Variants in CFAP61 observed in about 807,000 individuals in gnomAD.
CFAP61 encodes the protein cilia- and flagella-associated protein 61.
Under a neutral mutation model 135.6 loss-of-function variants are expected in CFAP61, and 107 were observed. The ratio of observed to expected loss-of-function variants is 0.79; its 90% CI spans 0.67 to 0.93. The LOEUF (loss-of-function observed/expected upper bound fraction) is 0.93, where lower values mean the gene tolerates loss of function less well. Among genes scored for constraint, CFAP61 ranks in the 40% least tolerant of loss-of-function variants. CFAP61 has a pLI of 0.00. For synonymous variants in CFAP61, 575 were observed against 578.5 expected (o/e 0.99, Z 0.09); for missense variants, 1,507 against 1,556.2 (o/e 0.97, Z 0.53).
Position 20,298,295 on chromosome 20 carries a change from T to C in CFAP61, c.3331T>C (p.Ser1111Pro). Reference sequence around the variant, plus strand: ...CCTTTCTAGGGAGCCCTTCCCCGCCTCCAACTACATCCGCTTGTTTGGCCA... The same window carrying C: ...CCTTTCTAGGGAGCCCTTCCCCGCCCCCAACTACATCCGCTTGTTTGGCCA... ...TCLSREPFPA[S>P]NYIRLFGQHE... The change falls in exon 25 of 27, where the codon TCC becomes CCC. Residue 1111 changes from serine to proline, a missense_variant. Ser to Pro is a moderately conservative substitution (Grantham distance 74). Coordinates refer to ENST00000245957, the MANE Select transcript of CFAP61 (RefSeq NM_015585.4). 6.2e-7 allele frequency: 1 copy of C among 1,614,108 alleles called. No individual in the cohort carries two copies. The highest frequency in any genetic ancestry group is 1.1e-5 in the South Asian group (1 of 91,076).
At chr20:20,190,396 C>A (rs6112816) in intron 14 of CFAP61, among the ~76,000 whole-genome samples, 29,731 of 152,014 alleles carry the variant, frequency 0.2, 3,324 homozygotes, top group Middle Eastern at 0.27. Flanking sequence ...TTGTATGATA[C>A]TTTGAAGTGA....
chr20:20,312,774 C>A (rs1033936093), intron 25 of CFAP61, among the ~76,000 whole-genome samples: 1 of 152,086 alleles, frequency 6.6e-6, no homozygotes, highest in African/African-American at 2.4e-5. Flanking sequence ...GCAATGCAAG[C>A]CAGAAAACAG....
At position 20,360,325 on chromosome 20, in the gene CFAP61, A is replaced by G. The variant is rs1034620776; in HGVS notation, c.3629A>G (p.Lys1210Arg). 11 of 1,613,862 alleles carry G rather than the reference A, an allele frequency of 6.8e-6. No individual in the cohort carries two copies. Among genetic ancestry groups the G allele is most frequent in the East Asian group, 2.2e-5 (1 of 44,888 alleles). ...LKRVFEESIYKTLVERSTLDY... is the reference protein window; with the variant it reads ...LKRVFEESIYRTLVERSTLDY... Reference sequence around the variant, plus strand: ...AGAGTTTTTGAGGAATCCATCTACAAAACCCTGGTGGAGAGAAGCACTCTT... The same window carrying G: ...AGAGTTTTTGAGGAATCCATCTACAGAACCCTGGTGGAGAGAAGCACTCTT... The change falls in exon 27 of 27, where the codon AAA becomes AGA. Residue 1210 changes from lysine to arginine, a missense_variant. By Grantham distance (26) the Lys-to-Arg change is conservative. Transcript: ENST00000245957.
At chr20:20,322,856 A>G (rs1050934448) in intron 25 of CFAP61, 4 of 985,134 alleles carry the variant, frequency 4.1e-6, no homozygotes, top group Non-Finnish European at 4.8e-6. Flanking sequence ...CATTAATGAA[A>G]ATCAAATTTA....
intron 24 of CFAP61, among the ~76,000 whole-genome samples, chr20:20,296,191 A>C (rs1422690784): frequency 0.028 from 391 of 13,944 alleles, no homozygotes; most frequent in Middle Eastern, 0.036. Context: ...TCCTTCCTTC[A>C]CCTCCTTCCC....
intron 8 of CFAP61, among the ~76,000 whole-genome samples, 186 bp downstream of exon 8, chr20:20,099,000 C>T (rs2047805647): frequency 6.6e-6 from 1 of 152,136 alleles, no homozygotes; most frequent in Admixed American, 6.6e-5. Context: ...AGTCACAGTG[C>T]AGGGGTGGAG....
chr20:20,063,345 A>G (rs1011975488), intron 2 of CFAP61, among the ~76,000 whole-genome samples: 1 of 152,220 alleles, frequency 6.6e-6, no homozygotes, highest in Non-Finnish European at 1.5e-5. Flanking sequence ...TGCCTTGCTC[A>G]TGAACATGGA....
chr20:20,183,276 C>T (rs1344526726), intron 13 of CFAP61, among the ~76,000 whole-genome samples: 1 of 152,136 alleles, frequency 6.6e-6, no homozygotes, highest in African/African-American at 2.4e-5. Flanking sequence ...ATTCTAGTGC[C>T]TTGGCCAACC....
At chr20:20,161,823 A>G (rs1396586969) in intron 10 of CFAP61, among the ~76,000 whole-genome samples, 1 of 152,220 alleles carries the variant, frequency 6.6e-6, no homozygotes, top group East Asian at 1.9e-4. Flanking sequence ...CAGACAAGTA[A>G]GTGGAATTCT....
intron 8 of CFAP61, among the ~76,000 whole-genome samples, chr20:20,140,639 T>G (rs2051312716): frequency 6.6e-6 from 1 of 152,078 alleles, no homozygotes; most frequent in Admixed American, 6.6e-5. Flanking sequence ...GTTCAACCAT[T>G]GTGGAAGTCA....
chr20:20,355,087 A>AAGGTGGTCACACTGTGAGAGGGG (rs1602164226), intron 26 of CFAP61, among the ~76,000 whole-genome samples: 30 of 77,480 alleles, frequency 3.9e-4, no homozygotes, highest in Admixed American at 1.4e-3. Context: ...TGTGAGAGGG[A>AAGGTGGTCACACTGTGAGAGGGG]AGGTGGTCAC....
chr20:20,240,617 A>G (rs1285456780), intron 18 of CFAP61, among the ~76,000 whole-genome samples: 1 of 151,264 alleles, frequency 6.6e-6, no homozygotes, highest in African/African-American at 2.4e-5. Context: ...GGATCTTCTC[A>G]TATCCCCAGC....
intron 26 of CFAP61, among the ~76,000 whole-genome samples, chr20:20,350,026 T>C (rs1037976361): frequency 1.3e-5 from 2 of 152,224 alleles, no homozygotes; most frequent in South Asian, 2.1e-4. Flanking sequence ...TGCATGAGAA[T>C]AGATATATAG....
intron 8 of CFAP61, among the ~76,000 whole-genome samples, chr20:20,131,733 A>G (rs1053406153): frequency 1.3e-5 from 2 of 151,572 alleles, no homozygotes; most frequent in Non-Finnish European, 2.9e-5. Context: ...TTGATTTTTC[A>G]GCTTTTCTTC....
At chr20:20,151,191 T>G (rs1407253048) in intron 9 of CFAP61, among the ~76,000 whole-genome samples, 5 of 151,658 alleles carry the variant, frequency 3.3e-5, no homozygotes, top group Admixed American at 3.3e-4. Context: ...TCCAGAGAAA[T>G]AGATGTCATA....
chr20:20,280,728 G>A (rs558984948), intron 22 of CFAP61, among the ~76,000 whole-genome samples: 99 of 152,208 alleles, frequency 6.5e-4, no homozygotes, highest in African/African-American at 2.3e-3. Context: ...ATTTCTCTTA[G>A]CTATAAACCT....
intron 26 of CFAP61, among the ~76,000 whole-genome samples, chr20:20,357,059 GGGAAGTGGTCACACTGAGA>G (rs2059226982): frequency 2.6e-5 from 3 of 113,914 alleles, no homozygotes; most frequent in African/African-American, 9.8e-5. Flanking sequence ...TCACACTGAG[GGGAAGTGGTCACACTGAGA>G]GGAGGTGGTC....
chr20:20,202,130 A>T (rs999402366), intron 17 of CFAP61, among the ~76,000 whole-genome samples: 1 of 152,148 alleles, frequency 6.6e-6, no homozygotes, highest in African/African-American at 2.4e-5. Flanking sequence ...GCTTACATTG[A>T]GTAACCTTTT....
chr20:20,088,184 A>G (rs1406521731), intron 6 of CFAP61, among the ~76,000 whole-genome samples: 1 of 152,186 alleles, frequency 6.6e-6, no homozygotes. Flanking sequence ...TTTGGTGGTG[A>G]TGACATCAGG....
Sources: gnomAD v4.1 joint callset for allele counts (sites outside exome capture counted in the v4.1 genomes callset) on GRCh38, gnomAD v4.1.1 for gene constraint, MANE v1.5 for transcripts, NCBI Gene and HGNC (gene_info 2026-07-23, HGNC 2026-07-21) for gene names.